The following NT5DC1 variants were observed in gnomAD, a reference collection of about 807,000 sequenced individuals.
NT5DC1 encodes 5'-nucleotidase domain containing 1.
In NT5DC1, 42 loss-of-function variants were observed where a neutral mutation model predicts 59.4. That is an observed-to-expected ratio of 0.71 (90% confidence interval 0.55 to 0.92). NT5DC1 has a LOEUF of 0.92. Ranked by LOEUF, NT5DC1 falls within the 40% of genes least tolerant of loss-of-function variation. The pLI is 0.00. For synonymous variants in NT5DC1, 172 were observed against 188.1 expected, an observed-to-expected ratio of 0.91 and a Z score of 0.70; for missense variants, 501 against 537.1, an observed-to-expected ratio of 0.93 and a Z score of 0.66.
At chr6:116,240,739 T>C (rs1033412373) in intron 11 of NT5DC1, among the ~76,000 whole-genome samples, 1 of 152,186 alleles carries the variant, frequency 6.6e-6, no homozygotes, top group Non-Finnish European at 1.5e-5. Flanking sequence ...ATCTGACTTA[T>C]CAGAAACAGA....
At chr6:116,106,768 G>A (rs1442550097) in intron 2 of NT5DC1, among the ~76,000 whole-genome samples, 5 of 152,134 alleles carry the variant, frequency 3.3e-5, no homozygotes, top group South Asian at 2.1e-4. Context: ...CATTTAGTTC[G>A]ACATTCCTAA....
chr6:116,178,086 TGTGCGCGCGCGCGCGCGTGC>T (rs1162384553), intron 6 of NT5DC1, among the ~76,000 whole-genome samples: 1 of 77,552 alleles, frequency 1.3e-5, no homozygotes, highest in Non-Finnish European at 2.7e-5. Context: ...TGTGTGTGTG[TGTGCGCGCGCGCGCGCGTGC>T]GTGCGTGTGT....
chr6:116,118,115 G>A, intron 6 of NT5DC1, 170 bp downstream of exon 6: 1 of 649,220 alleles, frequency 1.5e-6, no homozygotes, highest in Non-Finnish European at 2.8e-6. Flanking sequence ...CCTTTTATTT[G>A]TGCTTCTTTC....
At chr6:116,198,393 G>T (rs1443310996) in intron 6 of NT5DC1, among the ~76,000 whole-genome samples, 2 of 151,972 alleles carry the variant, frequency 1.3e-5, no homozygotes, top group African/African-American at 4.8e-5. Flanking sequence ...GACTCAAGCA[G>T]CTTGTTTAAA....
chr6:116,238,314 A>G lies in NT5DC1; in HGVS notation c.1049A>G (p.Glu350Gly), dbSNP rs142166859. The G allele has an allele frequency of 3.6e-4, 579 of 1,611,258 alleles. 1 individual carries two copies. The African/African-American group carries it at 6.8e-3, about 19-fold the overall frequency. Residue 350 changes from glutamate to glycine, a missense_variant, in exon 10 of 12, where the codon GAG becomes GGG. Glu to Gly is a moderately conservative substitution (Grantham distance 98). Transcript: ENST00000319550. ...DEGTRSQRPE[E>G]SEPLEKKGKY... ...GGCACGAGGAGTCAGAGGCCTGAGGAGTCAGAGCCTCTAGAGAAGAAAGGA... is the reference window on the plus strand; with the variant it reads ...GGCACGAGGAGTCAGAGGCCTGAGGGGTCAGAGCCTCTAGAGAAGAAAGGA...
At chr6:116,217,690 A>T (rs2114536179) in intron 6 of NT5DC1, among the ~76,000 whole-genome samples, 1 of 152,242 alleles carries the variant, frequency 6.6e-6, no homozygotes, top group South Asian at 2.1e-4. Context: ...GTAAGGAAAC[A>T]TAAATGTTCC....
chr6:116,109,838 T>G (rs1275907205), intron 3 of NT5DC1, among the ~76,000 whole-genome samples: 1 of 152,184 alleles, frequency 6.6e-6, no homozygotes, highest in African/African-American at 2.4e-5. Context: ...ATACTCTCAA[T>G]CATTATAATT....
At chr6:116,146,514 G>A (rs1779900516) in intron 6 of NT5DC1, among the ~76,000 whole-genome samples, 1 of 152,206 alleles carries the variant, frequency 6.6e-6, no homozygotes, top group African/African-American at 2.4e-5. Flanking sequence ...TGGCCACTTG[G>A]AACTTTCGCC....
At chr6:116,114,920 A>G (rs1778937356) in intron 4 of NT5DC1, among the ~76,000 whole-genome samples, 1 of 152,198 alleles carries the variant, frequency 6.6e-6, no homozygotes, top group Non-Finnish European at 1.5e-5. Context: ...GAGAAAGAGA[A>G]TCGACACAGT....
chr6:116,128,449 CAG>C (rs1052296425), intron 6 of NT5DC1, among the ~76,000 whole-genome samples: 2 of 151,972 alleles, frequency 1.3e-5, no homozygotes, highest in African/African-American at 4.8e-5. Flanking sequence ...CCACTCAAAA[CAG>C]AGAGCCATAC....
chr6:116,171,186 A>G (rs754150693), intron 6 of NT5DC1, among the ~76,000 whole-genome samples: 1 of 152,152 alleles, frequency 6.6e-6, no homozygotes, highest in Non-Finnish European at 1.5e-5. Context: ...TGACCCACTT[A>G]TATTATTGTC....
chr6:116,217,871 A>T (rs549066426), intron 6 of NT5DC1, among the ~76,000 whole-genome samples: 6 of 152,170 alleles, frequency 3.9e-5, no homozygotes, highest in African/African-American at 1.2e-4. Context: ...CATTTGATTT[A>T]ATACCTTGAC....
intron 6 of NT5DC1, among the ~76,000 whole-genome samples, chr6:116,209,946 C>T (rs879291273): frequency 7.2e-5 from 11 of 151,986 alleles, no homozygotes; most frequent in African/African-American, 2.4e-4. Context: ...TAGATTTAGA[C>T]ACATAAATGA....
At chr6:116,223,636 T>A (rs780087981) in intron 8 of NT5DC1, among the ~76,000 whole-genome samples, 21 of 152,208 alleles carry the variant, frequency 1.4e-4, no homozygotes, top group African/African-American at 2.2e-4. Context: ...ATAGTAGGTG[T>A]TCTTGAAAGC....
intron 6 of NT5DC1, among the ~76,000 whole-genome samples, chr6:116,178,374 G>A (rs1000215489): frequency 1.3e-5 from 2 of 152,106 alleles, no homozygotes; most frequent in Non-Finnish European, 2.9e-5. Context: ...CTTGAAGTCA[G>A]CCTTTCTTGA....
In NT5DC1 at chr6:116,121,962, C is replaced by T. The variant is rs765816001; in HGVS notation, c.529+4017C>T. 8 of 1,611,084 alleles carry T rather than the reference C, an allele frequency of 5.0e-6. No homozygotes were observed. The Admixed American group carries it at 1.2e-4, about 23-fold the overall frequency. ...CCTTGCTCTCCTCTTACTGCTATAC[C>T]TAAAAGACACACCCAACACACCCAC... On this transcript the variant is annotated intron_variant, in intron 6 of 11. Coordinates refer to ENST00000319550, the MANE Select transcript of NT5DC1 (RefSeq NM_152729.3).
chr6:116,121,949 C>A, intron 6 of NT5DC1: 1 of 1,612,620 alleles, frequency 6.2e-7, no homozygotes. Context: ...TTGCTCTCCT[C>A]TTACTGCTAT....
intron 6 of NT5DC1, among the ~76,000 whole-genome samples, chr6:116,216,899 C>G (rs1781697375): frequency 6.6e-6 from 1 of 152,128 alleles, no homozygotes; most frequent in Non-Finnish European, 1.5e-5. Context: ...CTAGCGTGCT[C>G]TTATATAACT....
intron 6 of NT5DC1, among the ~76,000 whole-genome samples, chr6:116,124,477 A>G (rs1752658934): frequency 6.6e-6 from 1 of 152,200 alleles, no homozygotes; most frequent in African/African-American, 2.4e-5. Flanking sequence ...GTAACCAAGA[A>G]AACTGGACAG....
Sources: allele counts gnomAD v4.1 joint callset (sites outside exome capture counted in the v4.1 genomes callset), GRCh38; gene constraint gnomAD v4.1.1; transcripts MANE v1.5; gene names NCBI Gene and HGNC (gene_info 2026-07-23, HGNC 2026-07-21).